The following BCAR3 variants were observed in gnomAD, a reference collection of about 807,000 sequenced individuals.
BCAR3 encodes the protein breast cancer anti-estrogen resistance protein 3.
Under a neutral mutation model 80.1 loss-of-function variants are expected in BCAR3, and 37 were observed. The ratio of observed to expected loss-of-function variants is 0.46; its 90% confidence interval spans 0.36 to 0.61. The LOEUF (loss-of-function observed/expected upper bound fraction) is 0.61, where lower values mean the gene tolerates loss of function less well. Among genes scored for constraint, BCAR3 ranks in the 20% least tolerant of loss-of-function variants. BCAR3 has a pLI of 0.00. For missense variants in BCAR3, 978 were observed against 1,068.2 expected (o/e 0.92, Z 1.18); for synonymous variants, 389 against 418.9 (o/e 0.93, Z 0.87).
At chr1:93,613,937 G>A (rs1675028679) in intron 3 of BCAR3, 1 of 1,550,398 alleles carries the variant, frequency 6.4e-7, no homozygotes, top group Non-Finnish European at 8.7e-7. Context: ...GCATCTTTCG[G>A]TCTTCAGTCC....
At position 93,679,273 on chromosome 1, in the gene BCAR3, A is replaced by C. The variant is rs901240312; in HGVS notation, c.-12+2325T>G. ...AGCAGGACAGGGGCTGCTCTTATCTATCTTGTCAGATAAGAGTCACTGTAT... is the reference window on the plus strand; with the variant it reads ...AGCAGGACAGGGGCTGCTCTTATCTCTCTTGTCAGATAAGAGTCACTGTAT... On this transcript the variant is annotated intron_variant, in intron 1 of 11. Coordinates refer to ENST00000260502, the MANE Select transcript of BCAR3 (RefSeq NM_003567.4). Among the ~76,000 whole-genome samples the C allele has an allele frequency of 2.0e-5, 3 of 152,232 alleles. No homozygotes were observed. In the East Asian group the frequency reaches 5.8e-4, roughly 29 times the overall value.
At chr1:93,647,774 TTGAAA>T (rs1415937808) in intron 2 of BCAR3, among the ~76,000 whole-genome samples, 2 of 152,106 alleles carry the variant, frequency 1.3e-5, no homozygotes, top group African/African-American at 2.4e-5. Context: ...TATTGTTTTC[TTGAAA>T]TATGTTTTTT....
Position 93,592,234 on chromosome 1 carries a change from T to G in BCAR3, c.486+31A>C. 1.9e-6 allele frequency: 3 copies of G among 1,612,870 alleles called. No individual in the cohort carries two copies. Among genetic ancestry groups the G allele is most frequent in the Non-Finnish European group, 2.5e-6 (3 of 1,179,888 alleles). ...TCTGTACATTGCCTGAGAGCAGCCGTGTATGCTCTGGAAGGGACAAGACCA... is the reference window on the plus strand; with the variant it reads ...TCTGTACATTGCCTGAGAGCAGCCGGGTATGCTCTGGAAGGGACAAGACCA... On this transcript the variant is annotated intron_variant, in intron 4 of 11. Coordinates refer to ENST00000260502, the MANE Select transcript of BCAR3 (RefSeq NM_003567.4). This position sits in a 1 kb window ranked among gnomAD's most constrained non-coding sequence, Gnocchi z 4.8.
intron 3 of BCAR3, among the ~76,000 whole-genome samples, chr1:93,593,280 C>A (rs940760924): frequency 1.3e-5 from 2 of 152,206 alleles, no homozygotes; most frequent in African/African-American, 4.8e-5. Flanking sequence ...TGTGGTTCTC[C>A]CAAGTTTCCC....
intron 3 of BCAR3, among the ~76,000 whole-genome samples, chr1:93,623,583 T>G (rs1675374562): frequency 6.6e-6 from 1 of 152,140 alleles, no homozygotes; most frequent in Admixed American, 6.5e-5. Flanking sequence ...AAGAAGCTGA[T>G]GGAAGAGAAT....
chr1:93,738,681 A>G (rs1651075709), intron 2 of BCAR3, among the ~76,000 whole-genome samples: 1 of 152,098 alleles, frequency 6.6e-6, no homozygotes, highest in Non-Finnish European at 1.5e-5. Flanking sequence ...GCCTGGTGGG[A>G]GATGCTGGTG....
At chr1:93,676,670 G>T (rs1294702987) in intron 1 of BCAR3, among the ~76,000 whole-genome samples, 1 of 152,084 alleles carries the variant, frequency 6.6e-6, no homozygotes, top group Non-Finnish European at 1.5e-5. Context: ...TAGCCCCACC[G>T]CCTGAACACA....
chr1:93,579,927 AAAGTGAGG>A (rs1161016536), intron 7 of BCAR3, among the ~76,000 whole-genome samples: 2 of 152,248 alleles, frequency 1.3e-5, no homozygotes, highest in African/African-American at 4.8e-5. Flanking sequence ...AGCTCGCTTT[AAAGTGAGG>A]TCCGGATAAC....
chr1:93,657,847 C>T (rs1647462056), intron 2 of BCAR3, among the ~76,000 whole-genome samples: 1 of 151,996 alleles, frequency 6.6e-6, no homozygotes, highest in African/African-American at 2.4e-5. Flanking sequence ...AAAAGGGTAT[C>T]TGCCAAAAAC....
At chr1:93,649,369 G>T (rs1459123014) in intron 2 of BCAR3, among the ~76,000 whole-genome samples, 1 of 152,176 alleles carries the variant, frequency 6.6e-6, no homozygotes, top group Non-Finnish European at 1.5e-5. Flanking sequence ...AGCCAGTGCT[G>T]CCCCAGAAAC....
intron 2 of BCAR3, among the ~76,000 whole-genome samples, chr1:93,654,751 T>C (rs1571012026): frequency 6.6e-6 from 1 of 152,176 alleles, no homozygotes; most frequent in Non-Finnish European, 1.5e-5. Flanking sequence ...GCCCAGAATA[T>C]TCATCCCCAG....
intron 2 of BCAR3, among the ~76,000 whole-genome samples, chr1:93,814,270 C>A (rs139027331): frequency 3.0e-3 from 452 of 152,308 alleles, no homozygotes; most frequent in African/African-American, 0.011. Flanking sequence ...TATGCCTCTG[C>A]TGATGTGATT....
At chr1:93,589,685 G>A (rs1674092619) in intron 4 of BCAR3, among the ~76,000 whole-genome samples, 1 of 152,204 alleles carries the variant, frequency 6.6e-6, no homozygotes, top group South Asian at 2.1e-4. Flanking sequence ...CCCACCTTAT[G>A]GAGCTCCTGT....
intron 2 of BCAR3, among the ~76,000 whole-genome samples, chr1:93,816,051 T>A (rs146706666): frequency 6.6e-6 from 1 of 152,290 alleles, no homozygotes; most frequent in Non-Finnish European, 1.5e-5. Context: ...ATTCAGGCTA[T>A]CCAGATATGC....
At chr1:93,616,521 C>A (rs1675133775) in intron 3 of BCAR3, among the ~76,000 whole-genome samples, 1 of 152,224 alleles carries the variant, frequency 6.6e-6, no homozygotes, top group African/African-American at 2.4e-5. Context: ...ACCTGTGTAC[C>A]ACTCAGCAGA....
At chr1:93,703,433 G>A (rs1169399574) in intron 3 of BCAR3, among the ~76,000 whole-genome samples, 1 of 151,990 alleles carries the variant, frequency 6.6e-6, no homozygotes, top group African/African-American at 2.4e-5. Context: ...CAGGTGTCGT[G>A]GTACACTCCT....
At chr1:93,710,614 T>C (rs1018245010) in intron 2 of BCAR3, among the ~76,000 whole-genome samples, 2 of 152,204 alleles carry the variant, frequency 1.3e-5, no homozygotes, top group African/African-American at 4.8e-5. Context: ...TCATTTGCTC[T>C]CTGAACTCCT....
intron 2 of BCAR3, among the ~76,000 whole-genome samples, chr1:93,764,395 C>G (rs565891958): frequency 6.6e-6 from 1 of 152,064 alleles, no homozygotes; most frequent in Non-Finnish European, 1.5e-5. Context: ...TCTCTGACAC[C>G]GCCATTCATC....
At chr1:93,839,762 G>C (rs1654892969) in intron 2 of BCAR3, among the ~76,000 whole-genome samples, 1 of 152,138 alleles carries the variant, frequency 6.6e-6, no homozygotes, top group South Asian at 2.1e-4. Flanking sequence ...ATGGAGTTTT[G>C]AGATTTGCTT....
Sources: allele counts gnomAD v4.1 joint callset (sites outside exome capture counted in the v4.1 genomes callset), GRCh38; gene constraint gnomAD v4.1.1; non-coding constraint Gnocchi (gnomAD v3.1); transcripts MANE v1.5; gene names NCBI Gene and HGNC (gene_info 2026-07-23, HGNC 2026-07-21).